The following PCDHA4 variants were observed in gnomAD, a reference collection of about 807,000 sequenced individuals.
The protein encoded by PCDHA4 is protocadherin alpha-4.
Under a neutral mutation model 61.4 loss-of-function variants are expected in PCDHA4, and 49 were observed. The observed-to-expected ratio is 0.80, with a 90% CI of 0.63 to 1.01. PCDHA4 has a LOEUF of 1.01. Ranked by LOEUF, PCDHA4 falls within the 50% of genes least tolerant of loss-of-function variation. The pLI, the probability that PCDHA4 is intolerant of heterozygous loss-of-function variation, is 0.00. For synonymous variants in PCDHA4, 590 were observed against 550.3 expected (o/e 1.07, Z -1.01); for missense variants, 1,254 against 1,235.8 (o/e 1.01, Z -0.22).
intron 1 of PCDHA4, chr5:140,859,639 T>G (rs1419564799): frequency 6.3e-6 from 1 of 159,542 alleles, no homozygotes; most frequent in Non-Finnish European, 1.4e-5. Flanking sequence ...GAGATTGAAT[T>G]TGTTACTCAG....
intron 1 of PCDHA4, among the ~76,000 whole-genome samples, chr5:140,890,874 C>T (rs1337922727): frequency 6.6e-6 from 1 of 152,082 alleles, no homozygotes; most frequent in Admixed American, 6.6e-5. Flanking sequence ...CCCCTCTGAC[C>T]TTTCATCAGG....
At chr5:140,875,262 C>A in intron 1 of PCDHA4, 1 of 1,157,366 alleles carries the variant, frequency 8.6e-7, no homozygotes, top group African/African-American at 1.6e-5. Flanking sequence ...CATGATGTCG[C>A]TCTACACTCA....
At chr5:140,927,378 C>T in intron 1 of PCDHA4, 3 of 1,614,110 alleles carry the variant, frequency 1.9e-6, no homozygotes, top group Non-Finnish European at 2.5e-6. Flanking sequence ...TAAGCTACAG[C>T]CTAAGCCCCA....
intron 1 of PCDHA4, chr5:140,967,306 C>A (rs1554229415): frequency 1.2e-6 from 2 of 1,612,350 alleles, no homozygotes; most frequent in Non-Finnish European, 1.7e-6. Context: ...TGGGCGCCAA[C>A]TCAGTACAGA....
At chr5:140,900,498 A>G (rs1554189212) in intron 1 of PCDHA4, among the ~76,000 whole-genome samples, 1 of 152,172 alleles carries the variant, frequency 6.6e-6, no homozygotes, top group Non-Finnish European at 1.5e-5. Context: ...ACTGGTCTCA[A>G]ATTCCCAGCC....
chr5:140,852,214 AT>A lies in PCDHA4; in HGVS notation c.2385+42646del, dbSNP rs1374970785. 2.5e-5 allele frequency: 16 copies of A among 644,870 alleles called. No individual in the cohort carries two copies. The South Asian group carries it at 1.1e-3, about 44-fold the overall frequency. The allele number at this position is 644,870 out of a possible 1,614,324, so 39.9% of individuals were successfully genotyped here. A position where few individuals can be genotyped will look rare whatever the true frequency, so the allele number is the denominator to read the frequency against. On this transcript the variant is annotated intron_variant, in intron 1 of 3. Transcript: ENST00000530339. ...CAGTAACGTTTATTTAAAACAAAAT[AT>A]TTTAATTTTTAAATTTTCCCTTAAA... is the stretch of plus-strand genomic sequence containing the variant.
intron 1 of PCDHA4, among the ~76,000 whole-genome samples, chr5:140,892,628 T>C (rs1554185308): frequency 6.6e-6 from 1 of 152,166 alleles, no homozygotes; most frequent in African/African-American, 2.4e-5. Flanking sequence ...TGGTACATAA[T>C]AATTGTACAT....
chr5:140,807,458 G>C lies in PCDHA4; in HGVS notation c.271G>C (p.Asp91His), dbSNP rs1763938347. The change falls in exon 1 of 4, where the codon GAC becomes CAC. Residue 91 changes from aspartate to histidine, a missense_variant. Asp to His is a moderately conservative substitution (Grantham distance 81, BLOSUM62 -1). Transcript: ENST00000530339. ...NGILFVNSRI[D>H]REELCRRSAE... ...CATTTTGTTTGTGAATTCTCGGATC[G>C]ACCGGGAGGAGCTGTGCCGGCGGAG... 1.2e-6 allele frequency: 2 copies of C among 1,608,118 alleles called. No individual in the cohort carries two copies. The highest frequency in any genetic ancestry group is 1.7e-5 in the Admixed American group (1 of 59,298).
intron 1 of PCDHA4, chr5:140,883,159 G>A (rs782151764): frequency 3.1e-6 from 5 of 1,613,846 alleles, no homozygotes; most frequent in Admixed American, 3.3e-5. Context: ...CCATAAATCC[G>A]AACAATGGAG....
intron 1 of PCDHA4, chr5:140,866,767 G>C (rs913136809): frequency 1.3e-5 from 2 of 152,154 alleles, no homozygotes; most frequent in East Asian, 1.9e-4. Context: ...CATACAGGCA[G>C]ATTGTATGTC....
At chr5:140,829,947 G>A (rs2150178345) in intron 1 of PCDHA4, 3 of 1,613,878 alleles carry the variant, frequency 1.9e-6, no homozygotes, top group Non-Finnish European at 2.5e-6. Context: ...AGCAGCGCTC[G>A]CTTCCCGTTT....
chr5:140,853,953 C>A, intron 1 of PCDHA4: 1 of 757,816 alleles, frequency 1.3e-6, no homozygotes, highest in Non-Finnish European at 1.6e-6. Flanking sequence ...AGGGTCCCTT[C>A]CTTGAGCCCA....
chr5:140,966,792 C>A (rs1182470326), intron 1 of PCDHA4: 3 of 1,530,564 alleles, frequency 2.0e-6, no homozygotes, highest in Admixed American at 1.9e-5. Context: ...ACCAGACCTG[C>A]GGCGACAGAG....
At chr5:140,998,274 T>C (rs2097804171) in intron 3 of PCDHA4, among the ~76,000 whole-genome samples, 1 of 152,162 alleles carries the variant, frequency 6.6e-6, no homozygotes, top group African/African-American at 2.4e-5. Flanking sequence ...CTGACACCCA[T>C]AGGATTAAAT....
At chr5:140,836,310 C>T in intron 1 of PCDHA4, 1 of 1,613,714 alleles carries the variant, frequency 6.2e-7, no homozygotes. Context: ...GACGGACGCA[C>T]CGCGCCACCG....
chr5:140,863,469 G>T, intron 1 of PCDHA4: 3 of 498,172 alleles, frequency 6.0e-6, no homozygotes, highest in South Asian at 4.7e-5. Context: ...TTACTCTGGA[G>T]AGTCGCCTCC....
At chr5:140,907,391 A>G (rs1455875344) in intron 1 of PCDHA4, among the ~76,000 whole-genome samples, 2 of 152,214 alleles carry the variant, frequency 1.3e-5, no homozygotes, top group African/African-American at 2.4e-5. Context: ...GGTCAAAGGC[A>G]ATGCTGTGTG....
Position 140,843,022 on chromosome 5 carries a change from G to A in PCDHA4, c.2385+33450G>A, listed in dbSNP as rs1554139645. On this transcript the variant is annotated intron_variant, in intron 1 of 3. Transcript: ENST00000530339. Reference sequence around the variant, plus strand: ...ATGACAACGCGCCGGCACTGCTGGAGCCTCGGGTGGGTGGCACTGGTGGCG... The same window carrying A: ...ATGACAACGCGCCGGCACTGCTGGAACCTCGGGTGGGTGGCACTGGTGGCG... 15 of 1,595,022 alleles carry A rather than the reference G, an allele frequency of 9.4e-6. 1 individual carries two copies. The highest frequency in any genetic ancestry group is 1.2e-5 in the Non-Finnish European group (14 of 1,165,456).
At chr5:140,821,890 A>T (rs2150111663) in intron 1 of PCDHA4, 2 of 1,614,240 alleles carry the variant, frequency 1.2e-6, no homozygotes, top group Admixed American at 3.3e-5. Flanking sequence ...GGAGGAAGCC[A>T]AACACGGAAC....
Sources: gnomAD v4.1 joint callset for allele counts (sites outside exome capture counted in the v4.1 genomes callset) on GRCh38, gnomAD v4.1.1 for gene constraint, MANE v1.5 for transcripts, NCBI Gene and HGNC (gene_info 2026-07-23, HGNC 2026-07-21) for gene names.